The following SYNE1 variants were observed in gnomAD, a reference collection of about 807,000 sequenced individuals.
SYNE1 encodes the protein nesprin-1.
SYNE1 carries 616 observed loss-of-function variants against 1,111.0 expected under a neutral mutation model. That is an observed-to-expected ratio of 0.55 (90% CI 0.52 to 0.59). SYNE1 has a LOEUF of 0.59. Among genes scored for constraint, SYNE1 ranks in the 20% least tolerant of loss-of-function variants. The pLI is 0.00. For missense variants in SYNE1, 10,006 were observed against 10,417.0 expected, an observed-to-expected ratio of 0.96 and a Z score of 1.72; for synonymous variants, 3,855 against 3,825.8, an observed-to-expected ratio of 1.01 and a Z score of -0.28.
intron 4 of SYNE1, among the ~76,000 whole-genome samples, chr6:152,537,972 C>G (rs2099251731): frequency 6.6e-6 from 1 of 152,056 alleles, no homozygotes; most frequent in African/African-American, 2.4e-5. Flanking sequence ...TGAAAACATT[C>G]CAAAGCACAG....
In SYNE1 at chr6:152,376,490, G is replaced by A. The variant is rs775472400; in HGVS notation, c.9215C>T (p.Ala3072Val). The A allele has an allele frequency of 1.2e-6, 2 of 1,614,132 alleles. No homozygotes were observed. Among genetic ancestry groups the A allele is most frequent in the Non-Finnish European group, 1.7e-6 (2 of 1,180,026 alleles). The change falls in exon 58 of 146, where the codon GCC becomes GTC. Residue 3072 changes from alanine to valine, a missense_variant. By Grantham distance (64) the Ala-to-Val change is moderately conservative. This residue lies in a region of SYNE1 where 4,955 missense variants were observed against 5,017.2 expected (regional missense o/e 0.99). Coordinates refer to ENST00000367255, the MANE Select transcript of SYNE1 (RefSeq NM_182961.4). ...CAACCACTGCTGGAAATCCCTGAAGGCCTTTCGAAATCTTTGCTGTAAAAT... is the reference window on the plus strand; with the variant it reads ...CAACCACTGCTGGAAATCCCTGAAGACCTTTCGAAATCTTTGCTGTAAAAT... ...EQILQQRFRK[A>V]FRDFQQWLVN...
rs776580317 is a variant in SYNE1 at position 152,122,625 on chromosome 6, C to T, written c.26205G>A (p.Arg8735=). 2 of 1,614,104 alleles carry T rather than the reference C, an allele frequency of 1.2e-6. No individual in the cohort carries two copies. Among genetic ancestry groups the T allele is most frequent in the Admixed American group, 1.7e-5 (1 of 60,018 alleles). Residue 8735 remains arginine, a synonymous_variant, in exon 146 of 146, where the codon CGG becomes CGA. Coordinates refer to ENST00000367255, the MANE Select transcript of SYNE1 (RefSeq NM_182961.4). ...CTCTGAACAGGAAGCCGCGGCCGGA[C>T]CGACCTGGCCCTGGCTCAGAAAGGG... ...DSSLSEPGPG[R]SGRGFLFRVL... is the part of the protein sequence containing the mutation.
chr6:152,278,662 C>T lies in SYNE1; in HGVS notation c.18382-382G>A, dbSNP rs186012676. On this transcript the variant is annotated intron_variant, in intron 97 of 145. Coordinates refer to ENST00000367255, the MANE Select transcript of SYNE1 (RefSeq NM_182961.4). ...TTTTTTAGTAGAGACGGGGTTTCAC[C>T]GTGTTAGCTAGGATGGTCTAGATCT... Among the ~76,000 whole-genome samples, 1,127 of 152,170 alleles carry T rather than the reference C, an allele frequency of 7.4e-3. 14 individuals carry two copies. Among genetic ancestry groups the T allele is most frequent in the African/African-American group, 0.024 (1,013 of 41,508 alleles).
At chr6:152,549,576 G>A (rs899019753) in intron 3 of SYNE1, among the ~76,000 whole-genome samples, 2 of 152,164 alleles carry the variant, frequency 1.3e-5, no homozygotes, top group African/African-American at 4.8e-5. Flanking sequence ...ACAAGTAATG[G>A]ATTAAAAGTT....
chr6:152,264,722 C>G (rs866995427), intron 100 of SYNE1, among the ~76,000 whole-genome samples: 1 of 152,066 alleles, frequency 6.6e-6, no homozygotes, highest in Non-Finnish European at 1.5e-5. Context: ...ATCATTTGAG[C>G]CTGGGAGTTC....
chr6:152,289,898 T>A (rs1385906847), intron 95 of SYNE1, among the ~76,000 whole-genome samples: 1 of 151,186 alleles, frequency 6.6e-6, no homozygotes, highest in Non-Finnish European at 1.5e-5. Flanking sequence ...AGTGCTGGGA[T>A]TACAGGCATG....
At chr6:152,439,320 A>G (rs1373910432) in intron 32 of SYNE1, among the ~76,000 whole-genome samples, 1 of 152,214 alleles carries the variant, frequency 6.6e-6, no homozygotes, top group Non-Finnish European at 1.5e-5. Flanking sequence ...GGTCAGAAAC[A>G]TTTAGGAAAT....
At chr6:152,218,883 C>T in intron 120 of SYNE1, 120 bp downstream of exon 120, 1 of 1,068,414 alleles carries the variant, frequency 9.4e-7, no homozygotes, top group Non-Finnish European at 1.4e-6. Context: ...TGTTTACTTG[C>T]TATTTTCTTG....
intron 3 of SYNE1, among the ~76,000 whole-genome samples, chr6:152,561,607 T>A (rs1007805086): frequency 6.6e-6 from 1 of 152,054 alleles, no homozygotes; most frequent in African/African-American, 2.4e-5. Flanking sequence ...TCAAAGACCA[T>A]GAAGCAATTT....
intron 87 of SYNE1, 132 bp from the exon 88 acceptor site, chr6:152,311,005 G>A (rs750713453): frequency 1.5e-5 from 13 of 878,558 alleles, no homozygotes; most frequent in Non-Finnish European, 2.0e-5. Flanking sequence ...CACCCCCCAT[G>A]ACCACTTTCT....
chr6:152,337,426 A>G (rs2096422784), intron 75 of SYNE1, among the ~76,000 whole-genome samples: 1 of 152,068 alleles, frequency 6.6e-6, no homozygotes, highest in South Asian at 2.1e-4. Flanking sequence ...AGTAGCTGGG[A>G]TTACAGGCTT....
rs1453411194 is a variant in SYNE1, at chr6:152,331,845, C to T, written c.12840G>A (p.Lys4280=). The T allele has an allele frequency of 1.9e-6, 3 of 1,613,800 alleles. No homozygotes were observed. The highest frequency in any genetic ancestry group is 2.5e-6 in the Non-Finnish European group (3 of 1,180,040). The part of the protein sequence containing the change: ...STAVHLEALK[K]LALALQERKY... ...TTCTCTCCTGCAATGCCAATGCTAA[C>T]TTTTTCAAAGCTTCCAGGTGGACAG... The change falls in exon 78 of 146, where the codon AAG becomes AAA. Residue 4280 remains lysine, a synonymous_variant. Transcript: ENST00000367255.
chr6:152,502,952 T>G (rs2154328105), intron 9 of SYNE1, among the ~76,000 whole-genome samples: 1 of 152,268 alleles, frequency 6.6e-6, no homozygotes, highest in South Asian at 2.1e-4. Flanking sequence ...AGATGACACA[T>G]TTAAACAAAC....
intron 102 of SYNE1, among the ~76,000 whole-genome samples, chr6:152,256,322 C>T (rs547091407): frequency 1.5e-4 from 22 of 150,562 alleles, no homozygotes; most frequent in African/African-American, 4.9e-4. Flanking sequence ...CCCAGCTATT[C>T]GGGAGGGTGA....
chr6:152,388,182 T>C (rs765005844), intron 53 of SYNE1, among the ~76,000 whole-genome samples: 3 of 152,196 alleles, frequency 2.0e-5, no homozygotes, highest in Non-Finnish European at 4.4e-5. Flanking sequence ...CATTGATCCA[T>C]TGGAACCTCA....
intron 3 of SYNE1, among the ~76,000 whole-genome samples, chr6:152,558,408 A>T (rs1199472959): frequency 2.0e-5 from 3 of 152,342 alleles, no homozygotes; most frequent in African/African-American, 7.2e-5. Context: ...CAAATGGATT[A>T]AAAAGTATAA....
Position 152,334,135 on chromosome 6 carries a change from G to C in SYNE1, c.12667C>G (p.Arg4223Gly), listed in dbSNP as rs145738035. The C allele has an allele frequency of 8.1e-6, 13 of 1,613,902 alleles. No individual in the cohort carries two copies. Among genetic ancestry groups the C allele is most frequent in the Admixed American group, 1.7e-5 (1 of 59,986 alleles). ...TGCAAGCACAGGTTGTTAGACTGAC[G>C]GCACAAATCGAGCCACTGATCATTT... ...HLNDQWLDLC[R>G]QSNNLCLQRE... Residue 4223 changes from arginine (R) to glycine (G), a missense_variant, in exon 77 of 146, where the codon CGT (arginine) becomes GGT (glycine). Around this residue, in one of 7 missense-constraint regions of SYNE1, gnomAD observed 4,955 missense variants for 5,017.2 expected, o/e 0.99. Coordinates refer to ENST00000367255, the MANE Select transcript of SYNE1 (RefSeq NM_182961.4).
intron 145 of SYNE1, 62 bp downstream of exon 145, chr6:152,130,658 G>T: frequency 6.3e-7 from 1 of 1,584,936 alleles, no homozygotes; most frequent in South Asian, 1.1e-5. Flanking sequence ...CCTAAGTCAT[G>T]GACAATTTTC....
intron 3 of SYNE1, among the ~76,000 whole-genome samples, chr6:152,552,909 A>G (rs1014322535): frequency 2.0e-5 from 3 of 152,172 alleles, no homozygotes; most frequent in African/African-American, 7.2e-5. Context: ...CACATGAGAC[A>G]GCAGCTGGTG....
Sources: allele counts gnomAD v4.1 joint callset (sites outside exome capture counted in the v4.1 genomes callset), GRCh38; gene constraint gnomAD v4.1.1; regional missense constraint gnomAD v4.1.1; transcripts MANE v1.5; gene names NCBI Gene and HGNC (gene_info 2026-07-23, HGNC 2026-07-21).